Variants in RASGRP3 observed in about 807,000 individuals in gnomAD.
RASGRP3 encodes the protein RAS guanyl releasing protein 3, also known as ras guanyl-releasing protein 3.
A neutral mutation model predicts 82.7 loss-of-function variants in RASGRP3; 54 were observed. The ratio of observed to expected loss-of-function variants is 0.65; its 90% CI spans 0.52 to 0.82. The LOEUF (loss-of-function observed/expected upper bound fraction) is 0.82, where lower values mean the gene tolerates loss of function less well. RASGRP3 is among the 40% of genes least tolerant of loss of function. The pLI is 0.00. For missense variants in RASGRP3, 861 were observed against 828.9 expected, an observed-to-expected ratio of 1.04 and a Z score of -0.48; for synonymous variants, 309 against 300.5, an observed-to-expected ratio of 1.03 and a Z score of -0.29.
chr2:33,436,505 C>A (rs1167597864), exon 1 of RASGRP3: 1 of 152,062 alleles, frequency 6.6e-6, no homozygotes, highest in Non-Finnish European at 1.5e-5. Context: ...TGTTTAGGCA[C>A]GTTGAAGAGA....
At chr2:33,521,091 T>C (rs747724055) in intron 6 of RASGRP3, among the ~76,000 whole-genome samples, 3 of 152,186 alleles carry the variant, frequency 2.0e-5, no homozygotes, top group African/African-American at 7.2e-5. Context: ...ATGCAGCCTC[T>C]AGGCCCCACC....
chr2:33,524,066 T>C lies in RASGRP3; in HGVS notation c.690+14T>C, dbSNP rs558791072. On this transcript the variant is annotated intron_variant, in intron 8 of 17. Transcript: ENST00000403687. Reference sequence around the variant, plus strand: ...AATGTTGCAAAGGTATGTCTGGTAATCAGACTGGGTTCTTGAGTTCTAGAT... The same window carrying C: ...AATGTTGCAAAGGTATGTCTGGTAACCAGACTGGGTTCTTGAGTTCTAGAT... The C allele has an allele frequency of 5.0e-6, 8 of 1,611,244 alleles. No homozygotes were observed. The Middle Eastern group carries it at 8.3e-4, about 166-fold the overall frequency.
intron 1 of RASGRP3, among the ~76,000 whole-genome samples, chr2:33,479,843 G>A (rs541274853): frequency 1.4e-4 from 22 of 151,996 alleles, no homozygotes; most frequent in Non-Finnish European, 3.1e-4. Context: ...TAGGTTAAGT[G>A]TCAAAATTAG....
intron 1 of RASGRP3, among the ~76,000 whole-genome samples, chr2:33,494,573 C>A (rs1669145814): frequency 6.6e-6 from 1 of 152,168 alleles, no homozygotes; most frequent in Non-Finnish European, 1.5e-5. Flanking sequence ...TCCAAACCAA[C>A]CTAGAGAGGA....
rs557457509 is a variant in RASGRP3 at position 33,519,432 on chromosome 2, C to T, written c.174-520C>T. Reference sequence around the variant, plus strand: ...GAGATCAAGACCATCCTGGCTAACACGGCGAAACCCCGTCTCTACTAAAAA... The same window carrying T: ...GAGATCAAGACCATCCTGGCTAACATGGCGAAACCCCGTCTCTACTAAAAA... On this transcript the variant is annotated intron_variant, in intron 4 of 17. Transcript: ENST00000403687. Among the ~76,000 whole-genome samples, 49 of 152,208 alleles carry T rather than the reference C, an allele frequency of 3.2e-4. 1 individual carries two copies. The South Asian group carries it at 5.8e-3, about 18-fold the overall frequency.
intron 10 of RASGRP3, among the ~76,000 whole-genome samples, chr2:33,530,565 C>T (rs531460304): frequency 1.3e-4 from 18 of 138,606 alleles, no homozygotes; most frequent in African/African-American, 4.6e-4. Flanking sequence ...AGGGAGCAAA[C>T]TTCTGCATCC....
chr2:33,478,308 G>T (rs563110675), intron 1 of RASGRP3, among the ~76,000 whole-genome samples: 1 of 152,174 alleles, frequency 6.6e-6, no homozygotes, highest in Admixed American at 6.5e-5. Context: ...TCTGTTCCTC[G>T]GTATGGCATT....
chr2:33,520,515 C>A, intron 5 of RASGRP3, 38 bp from the exon 6 acceptor site: 2 of 1,610,060 alleles, frequency 1.2e-6, no homozygotes, highest in South Asian at 1.1e-5. Context: ...AACCAACTTG[C>A]AATCTTCCAG....
At chr2:33,491,141 C>A (rs980670083) in intron 1 of RASGRP3, among the ~76,000 whole-genome samples, 5 of 146,146 alleles carry the variant, frequency 3.4e-5, no homozygotes, top group South Asian at 4.6e-4. Flanking sequence ...CATAGGGAAA[C>A]CTCGTCTCTA....
intron 1 of RASGRP3, among the ~76,000 whole-genome samples, chr2:33,483,804 T>A (rs2150944260): frequency 6.6e-6 from 1 of 152,312 alleles, no homozygotes; most frequent in Middle Eastern, 3.4e-3. Context: ...ACTACTTTTC[T>A]GTTGTTGAAT....
intron 12 of RASGRP3, among the ~76,000 whole-genome samples, chr2:33,540,974 C>T (rs895569754): frequency 6.8e-6 from 1 of 146,416 alleles, no homozygotes; most frequent in Non-Finnish European, 1.5e-5. Flanking sequence ...TTATACCTTA[C>T]CTACTTCCCA....
chr2:33,444,516 T>C (rs927452907), intron 1 of RASGRP3, among the ~76,000 whole-genome samples: 1 of 152,238 alleles, frequency 6.6e-6, no homozygotes, highest in African/African-American at 2.4e-5. Flanking sequence ...TAGTGGCTAC[T>C]GTATAAGACA....
chr2:33,470,380 A>ATTT lies in RASGRP3; in HGVS notation c.-261+22452_-261+22454dup, dbSNP rs34404371. 1.0e-3 allele frequency among the ~76,000 whole-genome samples: 132 copies of ATTT among 132,242 alleles called. 1 individual carries two copies. Among genetic ancestry groups the ATTT allele is most frequent in the African/African-American group, 3.6e-3 (126 of 35,112 alleles). The allele number at this position is 132,242 out of a possible 152,430, so 86.8% of individuals were successfully genotyped here. ...ATTATAAATAATACTATAACTAAGA[A>ATTT]TTTTTTTTTTTTTTTTTGAGATGGA... On this transcript the variant is annotated intron_variant, in intron 2 of 18. Coordinates refer to the RASGRP3 transcript ENST00000402538.
At chr2:33,539,491 A>C in intron 12 of RASGRP3, 45 of 282,206 alleles carry the variant, frequency 1.6e-4, no homozygotes, top group Middle Eastern at 1.0e-3. Flanking sequence ...TCAACAGCTC[A>C]AGGGATTGGG....
chr2:33,513,146 G>A lies in RASGRP3; in HGVS notation c.-128+1304G>A, dbSNP rs1376991005. On this transcript the variant is annotated intron_variant, in intron 2 of 17. Transcript: ENST00000403687. The stretch of plus-strand genomic sequence containing the variant: ...CAGCAGCAGAATTGGGAAAGCGTTT[G>A]ATCCAGCGTTTCTGCTGTTTTTATT... Among the ~76,000 whole-genome samples, 8 of 152,198 alleles carry A rather than the reference G, an allele frequency of 5.3e-5. No homozygotes were observed. The East Asian group carries it at 1.5e-3, about 29-fold the overall frequency.
chr2:33,552,617 G>A (rs561341061), intron 14 of RASGRP3, among the ~76,000 whole-genome samples: 3 of 152,306 alleles, frequency 2.0e-5, no homozygotes, highest in Admixed American at 1.3e-4. Flanking sequence ...TGGGAGAATG[G>A]TTCCAGTGCC....
At chr2:33,539,369 C>G (rs1673999496) in intron 12 of RASGRP3, 159 bp downstream of exon 12, 1 of 601,322 alleles carries the variant, frequency 1.7e-6, no homozygotes, top group Admixed American at 2.9e-5. Flanking sequence ...GCATTGGGTC[C>G]TGGGGAGAGT....
intron 17 of RASGRP3, 106 bp downstream of exon 17, chr2:33,559,136 G>C: frequency 3.4e-6 from 3 of 891,196 alleles, no homozygotes; most frequent in South Asian, 1.8e-5. Context: ...TCTGAAAGCA[G>C]AATGGTTGGG....
chr2:33,495,537 C>T (rs1406671850), intron 1 of RASGRP3, among the ~76,000 whole-genome samples: 1 of 151,414 alleles, frequency 6.6e-6, no homozygotes, highest in African/African-American at 2.4e-5. Flanking sequence ...GTTGGGGACC[C>T]CTGGTTTACA....
Sources: gnomAD v4.1 joint callset for allele counts (sites outside exome capture counted in the v4.1 genomes callset) on GRCh38, gnomAD v4.1.1 for gene constraint, MANE v1.5 for transcripts, NCBI Gene and HGNC (gene_info 2026-07-23, HGNC 2026-07-21) for gene names.